ZMIZ1: variants seen among roughly 807,000 people sequenced by gnomAD.
ZMIZ1 encodes zinc finger MIZ domain-containing protein 1.
In ZMIZ1, 17 loss-of-function variants were observed where a neutral mutation model predicts 113.9. The ratio of observed to expected loss-of-function variants is 0.15; its 90% CI spans 0.10 to 0.22. The LOEUF is 0.22. Ranked by LOEUF, ZMIZ1 falls within the 10% of genes least tolerant of loss-of-function variation. The pLI, the probability that ZMIZ1 is intolerant of heterozygous loss-of-function variation, is 1.00. For synonymous variants in ZMIZ1, 607 were observed against 603.1 expected (o/e 1.01, Z -0.09); for missense variants, 1,059 against 1,477.8 (o/e 0.72, Z 4.65).
intron 4 of ZMIZ1, among the ~76,000 whole-genome samples, chr10:79,189,218 A>G (rs1467502687): frequency 1.3e-5 from 2 of 152,198 alleles, no homozygotes; most frequent in Admixed American, 6.5e-5. Flanking sequence ...ATTCTGGCCA[A>G]TGGCATGGGA....
chr10:79,144,685 A>G (rs745308312), intron 3 of ZMIZ1, among the ~76,000 whole-genome samples: 1 of 152,224 alleles, frequency 6.6e-6, no homozygotes, highest in Non-Finnish European at 1.5e-5. Flanking sequence ...ATAGATTACT[A>G]ATGAAATGCC....
chr10:79,145,115 T>A (rs1378518794), intron 3 of ZMIZ1, among the ~76,000 whole-genome samples: 1 of 151,108 alleles, frequency 6.6e-6, no homozygotes, highest in African/African-American at 2.4e-5. Context: ...CCCCTCCCCC[T>A]CTGTCTGTGT....
At chr10:79,263,312 G>A (rs925721315) in intron 7 of ZMIZ1, among the ~76,000 whole-genome samples, 1 of 152,206 alleles carries the variant, frequency 6.6e-6, no homozygotes, top group African/African-American at 2.4e-5. Context: ...CTTGCATCAG[G>A]AACCTGAGAG....
chr10:79,123,555 G>A (rs1358933835), intron 2 of ZMIZ1, among the ~76,000 whole-genome samples: 1 of 152,180 alleles, frequency 6.6e-6, no homozygotes, highest in African/African-American at 2.4e-5. Context: ...TTCCTCCACT[G>A]AGCAGCATGG....
chr10:79,224,154 C>A (rs1464789874), intron 7 of ZMIZ1, among the ~76,000 whole-genome samples: 2 of 152,196 alleles, frequency 1.3e-5, no homozygotes, highest in African/African-American at 4.8e-5. Context: ...AGTATGATCC[C>A]AGCCAGGTGC....
intron 7 of ZMIZ1, among the ~76,000 whole-genome samples, chr10:79,230,106 C>T (rs568959942): frequency 1.3e-5 from 2 of 152,254 alleles, no homozygotes; most frequent in South Asian, 2.1e-4. Context: ...TGGGAGGCTC[C>T]GGCCGAGCAA....
chr10:79,275,563 C>T (rs956691513), intron 7 of ZMIZ1, among the ~76,000 whole-genome samples: 1 of 152,240 alleles, frequency 6.6e-6, no homozygotes, highest in African/African-American at 2.4e-5. Context: ...CAGCCACTCC[C>T]GGTCACTGTG....
At chr10:79,156,253 G>T (rs1845898784) in intron 3 of ZMIZ1, among the ~76,000 whole-genome samples, 2 of 152,136 alleles carry the variant, frequency 1.3e-5, no homozygotes, top group African/African-American at 2.4e-5. Flanking sequence ...GGTGGGGAGG[G>T]TAGTTCAGAG....
rs551217169 is a variant in ZMIZ1, at chr10:79,298,749, G to T, written c.1666+169G>T. 2.0e-5 allele frequency among the ~76,000 whole-genome samples: 3 copies of T among 152,346 alleles called. No individual in the cohort carries two copies. In the South Asian group the frequency reaches 6.2e-4, roughly 32 times the overall value. Reference sequence around the variant, plus strand: ...CTCAAGGCGGGGTAGGCAGCTCACAGACAGCCTTTCTTACTGCTGCCTGGG... The same window carrying T: ...CTCAAGGCGGGGTAGGCAGCTCACATACAGCCTTTCTTACTGCTGCCTGGG... On this transcript the variant is annotated intron_variant, in intron 15 of 24. Coordinates refer to ENST00000334512, the MANE Select transcript of ZMIZ1 (RefSeq NM_020338.4).
chr10:79,162,764 A>G (rs948887900), intron 4 of ZMIZ1, among the ~76,000 whole-genome samples: 1 of 152,148 alleles, frequency 6.6e-6, no homozygotes, highest in Non-Finnish European at 1.5e-5. Flanking sequence ...CAAGGGTGCT[A>G]GGACCCACCT....
chr10:79,073,227 G>A (rs921533369), intron 1 of ZMIZ1, among the ~76,000 whole-genome samples: 3 of 152,214 alleles, frequency 2.0e-5, no homozygotes, highest in East Asian at 1.9e-4. Flanking sequence ...GAACTCCTCC[G>A]ATCCCACTTG....
chr10:79,070,617 C>T (rs1461941087), intron 1 of ZMIZ1, among the ~76,000 whole-genome samples: 6 of 152,198 alleles, frequency 3.9e-5, no homozygotes, highest in African/African-American at 1.4e-4. Flanking sequence ...AAACTTTTTC[C>T]TTCTCTGCCT....
intron 3 of ZMIZ1, among the ~76,000 whole-genome samples, chr10:79,152,676 C>A (rs1346367983): frequency 6.6e-6 from 1 of 152,206 alleles, no homozygotes; most frequent in African/African-American, 2.4e-5. Flanking sequence ...GGTTCTGGAG[C>A]CCAGAGGCTG....
intron 1 of ZMIZ1, among the ~76,000 whole-genome samples, chr10:79,116,605 G>T (rs1844041220): frequency 6.6e-6 from 1 of 152,178 alleles, no homozygotes; most frequent in African/African-American, 2.4e-5. Flanking sequence ...GGGCTACAGA[G>T]GCCGGCTGGC....
intron 1 of ZMIZ1, among the ~76,000 whole-genome samples, chr10:79,088,133 C>T (rs970638241): frequency 3.3e-5 from 5 of 152,268 alleles, no homozygotes; most frequent in Non-Finnish European, 5.9e-5. Flanking sequence ...CCCCTGCCAG[C>T]CAAAGCCAGA....
intron 7 of ZMIZ1, among the ~76,000 whole-genome samples, chr10:79,262,888 A>G (rs1024800224): frequency 6.6e-6 from 1 of 152,232 alleles, no homozygotes; most frequent in Admixed American, 6.5e-5. Context: ...ACAGCCAGGC[A>G]TATGTGATTT....
At position 79,293,601 on chromosome 10, in the gene ZMIZ1, C is replaced by T; in HGVS notation, c.1178C>T (p.Pro393Leu). The T allele has an allele frequency of 6.2e-7, 1 of 1,613,136 alleles. No homozygotes were observed. Among genetic ancestry groups the T allele is most frequent in the Non-Finnish European group, 8.5e-7 (1 of 1,180,018 alleles). The change falls in exon 12 of 25, where the codon CCC becomes CTC. Residue 393 changes from proline to leucine, a missense_variant. Physicochemically the swap from Pro to Leu is moderately conservative, Grantham distance 98. Transcript: ENST00000334512. The part of the protein sequence containing the change: ...QRMPQQTYPG[P>L]RPQSLPIQNI... ...ATGCCCCAGCAGACCTACCCGGGCCCCCGGCCCCAGTCCCTTCCTATTCAG... is the reference window on the plus strand; with the variant it reads ...ATGCCCCAGCAGACCTACCCGGGCCTCCGGCCCCAGTCCCTTCCTATTCAG...
Position 79,299,080 on chromosome 10 carries a change from T to G in ZMIZ1, c.1697T>G (p.Phe566Cys), listed in dbSNP as rs763834642. The G allele has an allele frequency of 6.2e-7, 1 of 1,612,252 alleles. No individual in the cohort carries two copies. The highest frequency in any genetic ancestry group is 8.5e-7 in the Non-Finnish European group (1 of 1,179,602). The stretch of plus-strand genomic sequence containing the variant: ...CACAATGACGAGCTGCGGCTCACAT[T>G]CCCTGTGCGGGATGGCGTGGTGCTG... ...ANHNDELRLT[F>C]PVRDGVVLEP... The change falls in exon 16 of 25, where the codon TTC (phenylalanine) becomes TGC (cysteine). Residue 566 changes from phenylalanine to cysteine, a missense_variant. This residue lies in a region of ZMIZ1 where 217 missense variants were observed against 426.9 expected (regional missense o/e 0.51). Transcript: ENST00000334512.
intron 18 of ZMIZ1, 101 bp from the exon 19 acceptor site, chr10:79,303,914 A>ACATGC: frequency 6.6e-7 from 1 of 1,504,096 alleles, no homozygotes; most frequent in African/African-American, 1.4e-5. Context: ...GAGAACCAGG[A>ACATGC]CATGCCCCAG....
Sources: gnomAD v4.1 joint callset for allele counts (sites outside exome capture counted in the v4.1 genomes callset) on GRCh38, gnomAD v4.1.1 for gene constraint, gnomAD v4.1.1 regional missense constraint, MANE v1.5 for transcripts, NCBI Gene and HGNC (gene_info 2026-07-23, HGNC 2026-07-21) for gene names.